Variants in GRIP1 observed in about 807,000 individuals in gnomAD.
GRIP1 encodes the protein glutamate receptor-interacting protein 1.
Under a neutral mutation model 129.9 loss-of-function variants are expected in GRIP1, and 45 were observed. That is an observed-to-expected ratio of 0.35 (90% CI 0.27 to 0.44). The LOEUF is 0.44. Among genes scored for constraint, GRIP1 ranks in the 20% least tolerant of loss-of-function variants. GRIP1 has a pLI of 1.00. For synonymous variants in GRIP1, 530 were observed against 520.8 expected, an observed-to-expected ratio of 1.02 and a Z score of -0.24; for missense variants, 1,196 against 1,396.8, an observed-to-expected ratio of 0.86 and a Z score of 2.29.
chr12:66,645,904 T>C (rs776095578), intron 1 of GRIP1, among the ~76,000 whole-genome samples: 4 of 152,222 alleles, frequency 2.6e-5, no homozygotes, highest in Non-Finnish European at 5.9e-5. Flanking sequence ...AAATCATCAA[T>C]GTAAGCGTCT....
intron 14 of GRIP1, among the ~76,000 whole-genome samples, chr12:66,429,425 G>A (rs2058080537): frequency 6.6e-6 from 1 of 152,148 alleles, no homozygotes; most frequent in Non-Finnish European, 1.5e-5. Context: ...TAGCAGGCAT[G>A]GTGGCTCACA....
intron 7 of GRIP1, among the ~76,000 whole-genome samples, chr12:66,505,870 C>G (rs1187215372): frequency 6.6e-6 from 1 of 151,896 alleles, no homozygotes; most frequent in Non-Finnish European, 1.5e-5. Context: ...TAGAATTATC[C>G]AATAGAAAGA....
intron 1 of GRIP1, among the ~76,000 whole-genome samples, chr12:66,957,962 T>C (rs2041867349): frequency 6.6e-6 from 1 of 152,154 alleles, no homozygotes; most frequent in African/African-American, 2.4e-5. Context: ...CTAGCCCTCA[T>C]TTATTTGCTT....
chr12:66,807,522 A>T (rs549943464), upstream of GRIP1, among the ~76,000 whole-genome samples: 1 of 152,064 alleles, frequency 6.6e-6, no homozygotes, highest in East Asian at 1.9e-4. Flanking sequence ...AAATACAAAA[A>T]AATTAGCCAG....
intron 1 of GRIP1, among the ~76,000 whole-genome samples, chr12:67,041,077 A>T (rs756891393): frequency 2.0e-5 from 3 of 152,082 alleles, no homozygotes; most frequent in Non-Finnish European, 4.4e-5. Context: ...TCCACCCTGC[A>T]GGCCTGCCCT....
At chr12:66,804,629 TAGG>T (rs2038950872), upstream of GRIP1, among the ~76,000 whole-genome samples, 2 of 152,014 alleles carry the variant, frequency 1.3e-5, no homozygotes, top group Non-Finnish European at 2.9e-5. Context: ...GGCGGGGGTA[TAGG>T]AGAAGGGAGG....
chr12:67,012,112 T>A (rs972256548), intron 1 of GRIP1, among the ~76,000 whole-genome samples: 1 of 152,190 alleles, frequency 6.6e-6, no homozygotes, highest in African/African-American at 2.4e-5. Context: ...GTTGAATGGA[T>A]AAAATCTGAA....
At position 66,649,991 on chromosome 12, in the gene GRIP1, T is replaced by C. The variant is rs560031735; in HGVS notation, c.55+28859A>G. On this transcript the variant is annotated intron_variant, in intron 1 of 24. Transcript: ENST00000359742. The stretch of plus-strand genomic sequence containing the variant: ...CGAGCCACAGAAAGTTTTTAAAGGC[T>C]CTAGGAGAATGTGTCTAGCGAGTTA... Among the ~76,000 whole-genome samples, 3 of 152,296 alleles carry C rather than the reference T, an allele frequency of 2.0e-5. No individual in the cohort carries two copies. The South Asian group carries it at 6.2e-4, about 32-fold the overall frequency.
intron 1 of GRIP1, among the ~76,000 whole-genome samples, chr12:66,836,102 G>A (rs1407405818): frequency 2.0e-5 from 3 of 152,130 alleles, no homozygotes; most frequent in African/African-American, 7.2e-5. Flanking sequence ...TGGTAAGGAC[G>A]TAAGGCTCTA....
intron 1 of GRIP1, among the ~76,000 whole-genome samples, chr12:66,931,245 C>T (rs976670490): frequency 6.6e-6 from 1 of 152,224 alleles, no homozygotes; most frequent in Non-Finnish European, 1.5e-5. Context: ...TGCTGACCAG[C>T]CCGTGTCACA....
At chr12:66,833,774 A>G (rs1300036397) in intron 1 of GRIP1, among the ~76,000 whole-genome samples, 1 of 152,232 alleles carries the variant, frequency 6.6e-6, no homozygotes, top group African/African-American at 2.4e-5. Context: ...CTTACATTAA[A>G]AAAGAAAGTG....
intron 1 of GRIP1, among the ~76,000 whole-genome samples, chr12:66,963,767 C>G (rs2041956740): frequency 6.6e-6 from 1 of 152,066 alleles, no homozygotes; most frequent in Admixed American, 6.6e-5. Flanking sequence ...GTTGAAGATC[C>G]AGCCTAGACA....
chr12:66,699,531 C>T (rs1222337005), intron 1 of GRIP1, among the ~76,000 whole-genome samples: 1 of 152,112 alleles, frequency 6.6e-6, no homozygotes, highest in African/African-American at 2.4e-5. Flanking sequence ...TCTTGACTGC[C>T]ACCATGTAAG....
intron 23 of GRIP1, among the ~76,000 whole-genome samples, chr12:66,357,627 C>T (rs2054556930): frequency 6.6e-6 from 1 of 152,178 alleles, no homozygotes; most frequent in Admixed American, 6.5e-5. Context: ...TAATCTTTTT[C>T]TAATCCTATT....
At chr12:66,984,910 G>A (rs146910818) in intron 1 of GRIP1, among the ~76,000 whole-genome samples, 1 of 152,306 alleles carries the variant, frequency 6.6e-6, no homozygotes, top group African/African-American at 2.4e-5. Context: ...TTTTACTCAT[G>A]AATCTGCAAT....
intron 11 of GRIP1, among the ~76,000 whole-genome samples, chr12:66,446,618 C>T (rs1014402555): frequency 6.6e-6 from 1 of 152,196 alleles, no homozygotes; most frequent in South Asian, 2.1e-4. Flanking sequence ...CCATAATCTA[C>T]TTTTTCAAAA....
At chr12:66,373,565 A>T (rs1197996126) in intron 22 of GRIP1, among the ~76,000 whole-genome samples, 1 of 152,192 alleles carries the variant, frequency 6.6e-6, no homozygotes, top group Admixed American at 6.5e-5. Flanking sequence ...TCCCAAATTC[A>T]CCTGGTGTTC....
chr12:66,817,202 GCACACACACACA>G (rs57507955), intron 1 of GRIP1, among the ~76,000 whole-genome samples: 6,853 of 136,190 alleles, frequency 0.05, 534 homozygotes, highest in African/African-American at 0.17. Flanking sequence ...TTTTCAGTAT[GCACACACACACA>G]CACACACACA....
At position 66,678,872 on chromosome 12, in the gene GRIP1, T is replaced by C. The variant is rs2034459637; in HGVS notation, c.33A>G (p.Gln11=). The C allele has an allele frequency of 6.2e-7, 1 of 1,613,474 alleles. No homozygotes were observed. The highest frequency in any genetic ancestry group is 8.5e-7 in the Non-Finnish European group (1 of 1,179,592). The change falls in exon 1 of 25, where the codon CAA becomes CAG. Residue 11 remains glutamine, a synonymous_variant. Coordinates refer to ENST00000359742, the MANE Select transcript of GRIP1 (RefSeq NM_001366722.1). ...TACCTTTAGTAAGTCGCCTCAGAAT[T>C]TGACAACGGCATTTAAAAGAGACAG... MIAVSFKCRC[Q]ILRRLTKDES...
Sources: gnomAD v4.1 joint callset for allele counts (sites outside exome capture counted in the v4.1 genomes callset) on GRCh38, gnomAD v4.1.1 for gene constraint, MANE v1.5 for transcripts, NCBI Gene and HGNC (gene_info 2026-07-23, HGNC 2026-07-21) for gene names.